The following RIMS2 variants were observed in gnomAD, a reference collection of about 807,000 sequenced individuals.
The protein encoded by RIMS2 is regulating synaptic membrane exocytosis protein 2.
In RIMS2, 59 loss-of-function variants were observed where a neutral mutation model predicts 174.4. The ratio of observed to expected loss-of-function variants is 0.34; its 90% CI spans 0.27 to 0.42. RIMS2 has a LOEUF of 0.42. Among genes scored for constraint, RIMS2 ranks in the 10% least tolerant of loss-of-function variants. The probability of loss-of-function intolerance (pLI) is 1.00; values close to 1 mark genes in which losing one functional copy is unlikely to be tolerated. For synonymous variants in RIMS2, 606 were observed against 572.5 expected (o/e 1.06, Z -0.84); for missense variants, 1,620 against 1,666.3 (o/e 0.97, Z 0.48).
intron 19 of RIMS2, among the ~76,000 whole-genome samples, chr8:104,237,700 T>A (rs151176084): frequency 3.4e-4 from 51 of 152,238 alleles, no homozygotes; most frequent in African/African-American, 1.2e-3. Context: ...TCCGAAACAA[T>A]TTTGTGTGTC....
chr8:104,221,516 G>A (rs1468464961), intron 19 of RIMS2, among the ~76,000 whole-genome samples: 5 of 151,978 alleles, frequency 3.3e-5, no homozygotes, highest in African/African-American at 1.2e-4. Context: ...AAAGTGATAT[G>A]GTTTGAAAAA....
At chr8:103,856,006 A>C (rs2099025631) in intron 3 of RIMS2, among the ~76,000 whole-genome samples, 1 of 152,160 alleles carries the variant, frequency 6.6e-6, no homozygotes, top group Admixed American at 6.6e-5. Context: ...TTCGTAGGCC[A>C]AGAAGAACTT....
intron 3 of RIMS2, among the ~76,000 whole-genome samples, chr8:103,834,676 TTTTCTTTC>T (rs71297240): frequency 0.021 from 2,521 of 120,032 alleles, 57 homozygotes; most frequent in Admixed American, 0.043. Flanking sequence ...TCTGAGGTCT[TTTTCTTTC>T]TTTCTTTCTT....
In RIMS2 at chr8:103,990,122, T is replaced by C. The variant is rs374088887; in HGVS notation, c.3044+701T>C. Among the ~76,000 whole-genome samples the C allele has an allele frequency of 9.2e-5, 14 of 152,250 alleles. No homozygotes were observed. In the East Asian group the frequency reaches 1.7e-3, roughly 19 times the overall value. On this transcript the variant is annotated intron_variant, in intron 17 of 23. Transcript: ENST00000504942. ...ATACATGAAGTAAATGCCATTATGTTTCCCAAACTATTCAAAGATATGATA... is the reference window on the plus strand; with the variant it reads ...ATACATGAAGTAAATGCCATTATGTCTCCCAAACTATTCAAAGATATGATA...
intron 3 of RIMS2, among the ~76,000 whole-genome samples, chr8:103,831,051 T>A (rs982749812): frequency 6.6e-6 from 1 of 152,166 alleles, no homozygotes; most frequent in Non-Finnish European, 1.5e-5. Flanking sequence ...TCAAGTGATC[T>A]TCCTGCCTTG....
intron 2 of RIMS2, among the ~76,000 whole-genome samples, chr8:103,736,429 A>G (rs1230315284): frequency 1.3e-5 from 2 of 152,178 alleles, no homozygotes; most frequent in South Asian, 4.1e-4. Flanking sequence ...TATTAGCTTG[A>G]ACTTCTGCAT....
chr8:103,668,291 C>T (rs967007559), intron 1 of RIMS2, among the ~76,000 whole-genome samples: 2 of 152,178 alleles, frequency 1.3e-5, no homozygotes, highest in African/African-American at 2.4e-5. Flanking sequence ...ATTTATTTTA[C>T]TTGTCCAGTG....
intron 4 of RIMS2, among the ~76,000 whole-genome samples, chr8:103,905,246 G>T (rs534134367): frequency 6.6e-6 from 1 of 152,004 alleles, no homozygotes; most frequent in South Asian, 2.1e-4. Flanking sequence ...TTTGTTTCAA[G>T]AACTTCCTTT....
intron 1 of RIMS2, among the ~76,000 whole-genome samples, chr8:103,676,706 G>T (rs1435795528): frequency 6.6e-6 from 1 of 152,066 alleles, no homozygotes; most frequent in Non-Finnish European, 1.5e-5. Context: ...TCCTTGGCTG[G>T]GCATGGTGGC....
At chr8:104,189,478 G>A (rs1035256606) in intron 19 of RIMS2, among the ~76,000 whole-genome samples, 12 of 151,574 alleles carry the variant, frequency 7.9e-5, no homozygotes, top group African/African-American at 2.9e-4. Context: ...TATTTCCCTA[G>A]AGGTCCAAAA....
At chr8:103,896,727 A>C (rs924164) in intron 4 of RIMS2, among the ~76,000 whole-genome samples, 121,234 of 151,312 alleles carry the variant, frequency 0.8, 49,732 homozygotes, top group African/African-American at 0.94. Flanking sequence ...AAAATGACTT[A>C]TTTTGCACAT....
intron 10 of RIMS2, chr8:103,927,692 G>A: frequency 3.1e-6 from 2 of 641,254 alleles, no homozygotes; most frequent in South Asian, 3.6e-5. Context: ...TCATCACACT[G>A]AAGTACTTAA....
intron 2 of RIMS2, among the ~76,000 whole-genome samples, chr8:103,746,138 A>AG (rs2097809364): frequency 6.6e-6 from 1 of 152,190 alleles, no homozygotes; most frequent in African/African-American, 2.4e-5. Flanking sequence ...GGTATGAGTT[A>AG]GGGGTCCAAC....
intron 19 of RIMS2, among the ~76,000 whole-genome samples, chr8:104,185,333 C>T (rs191642388): frequency 6.6e-6 from 1 of 151,558 alleles, no homozygotes; most frequent in Admixed American, 6.6e-5. Context: ...TGTAACCTTT[C>T]AAAGCTGTCA....
At chr8:103,776,288 A>G (rs1199532381) in intron 3 of RIMS2, among the ~76,000 whole-genome samples, 2 of 152,104 alleles carry the variant, frequency 1.3e-5, no homozygotes, top group Non-Finnish European at 2.9e-5. Flanking sequence ...ACTAAAACGA[A>G]GTGTGATAGA....
intron 19 of RIMS2, among the ~76,000 whole-genome samples, chr8:104,079,597 TGA>T (rs2097367329): frequency 1.9e-5 from 1 of 51,736 alleles, no homozygotes; most frequent in African/African-American, 6.7e-5. Context: ...GGATTAAGCA[TGA>T]TATATATATA....
intron 17 of RIMS2, among the ~76,000 whole-genome samples, chr8:103,996,088 T>C (rs537778449): frequency 1.2e-4 from 18 of 152,012 alleles, no homozygotes; most frequent in African/African-American, 4.3e-4. Flanking sequence ...GATTAAAGAA[T>C]TACGTTAGAA....
intron 19 of RIMS2, among the ~76,000 whole-genome samples, chr8:104,134,067 T>C (rs1443588448): frequency 2.0e-5 from 3 of 152,100 alleles, no homozygotes; most frequent in Non-Finnish European, 4.4e-5. Context: ...ATGATACATA[T>C]GTATCATATG....
intron 1 of RIMS2, among the ~76,000 whole-genome samples, chr8:103,570,873 T>G (rs1329943841): frequency 6.6e-6 from 1 of 152,152 alleles, no homozygotes; most frequent in Non-Finnish European, 1.5e-5. Context: ...TAAAAGTAAT[T>G]GCAAAAGCTG....
Sources: allele counts gnomAD v4.1 joint callset (sites outside exome capture counted in the v4.1 genomes callset), GRCh38; gene constraint gnomAD v4.1.1; transcripts MANE v1.5; gene names NCBI Gene and HGNC (gene_info 2026-07-23, HGNC 2026-07-21).